Variants in TAS2R1 observed in about 807,000 individuals in gnomAD.
TAS2R1 encodes the protein taste 2 receptor member 1.
For synonymous variants in TAS2R1, 141 were observed against 134.2 expected (o/e 1.05, Z -0.35); for missense variants, 370 against 353.4 (o/e 1.05, Z -0.38).
chr5:9,729,697 C>A, the TAS2R1 span, among the ~76,000 whole-genome samples: 2 of 152,154 alleles, frequency 1.3e-5, no homozygotes, highest in Non-Finnish European at 2.9e-5. Context: ...AAATAAGGCA[C>A]AAACATGCCT....
intron 2 of TAS2R1, among the ~76,000 whole-genome samples, chr5:9,645,204 G>T (rs1207881552): frequency 6.6e-6 from 1 of 152,108 alleles, no homozygotes; most frequent in African/African-American, 2.4e-5. Context: ...ACAATTGAAA[G>T]GCATAACATC....
chr5:9,898,760 G>A, the TAS2R1 span, among the ~76,000 whole-genome samples: 1 of 152,186 alleles, frequency 6.6e-6, no homozygotes, highest in East Asian at 1.9e-4. Context: ...AGGAGAACAT[G>A]TAGCAGCTGG....
At position 9,629,745 on chromosome 5, in the gene TAS2R1, G is replaced by A. The variant is rs1336322031; in HGVS notation, c.288C>T (p.Ala96=). The A allele has an allele frequency of 1.9e-6, 3 of 1,613,920 alleles. No homozygotes were observed. The highest frequency in any genetic ancestry group is 1.7e-5 in the Admixed American group (1 of 59,984). ...CACAATAGAAAACGCCGAGCCATGTGGCAAGCCAAAGTTCCAATTCATTTA... is the reference window on the plus strand; with the variant it reads ...CACAATAGAAAACGCCGAGCCATGTAGCAAGCCAAAGTTCCAATTCATTTA... ...LFINELELWL[A]TWLGVFYCAK... is the part of the protein sequence containing the mutation. The change falls in exon 1 of 1, where the codon GCC becomes GCT. Residue 96 remains alanine, a synonymous_variant. Coordinates refer to ENST00000382492, the MANE Select transcript of TAS2R1 (RefSeq NM_019599.3).
the TAS2R1 span, among the ~76,000 whole-genome samples, chr5:9,831,480 T>C: frequency 2.6e-5 from 4 of 152,170 alleles, no homozygotes; most frequent in African/African-American, 9.7e-5. Context: ...TGCAATATAA[T>C]GTAGACATTT....
chr5:9,852,457 G>T, the TAS2R1 span, among the ~76,000 whole-genome samples: 3 of 152,096 alleles, frequency 2.0e-5, no homozygotes, highest in African/African-American at 7.2e-5. Flanking sequence ...TGTACAAGTT[G>T]AGGAAGCTGC....
At chr5:9,664,751 C>T (rs770922676) in intron 1 of TAS2R1, among the ~76,000 whole-genome samples, 1 of 152,210 alleles carries the variant, frequency 6.6e-6, no homozygotes, top group Non-Finnish European at 1.5e-5. Flanking sequence ...GTGTCACATC[C>T]ACAATTAAAG....
At chr5:9,840,865 T>G in the TAS2R1 span, among the ~76,000 whole-genome samples, 1 of 5,212 alleles carries the variant, frequency 1.9e-4, no homozygotes, top group Non-Finnish European at 3.7e-4. Context: ...TTATTTTTTT[T>G]TTTTTTTTTT....
intron 1 of TAS2R1, among the ~76,000 whole-genome samples, chr5:9,675,730 A>G (rs564858097): frequency 6.6e-6 from 1 of 152,058 alleles, no homozygotes; most frequent in Admixed American, 6.6e-5. Context: ...TATTATTTCT[A>G]ACAGGTTTTT....
the TAS2R1 span, among the ~76,000 whole-genome samples, chr5:9,738,691 T>C: frequency 6.6e-6 from 1 of 152,180 alleles, no homozygotes; most frequent in Admixed American, 6.5e-5. Context: ...TACCACACTA[T>C]CTTTTGTTAT....
the TAS2R1 span, among the ~76,000 whole-genome samples, chr5:9,824,376 C>T: frequency 1.3e-5 from 2 of 152,234 alleles, no homozygotes; most frequent in Non-Finnish European, 2.9e-5. Context: ...GGAACAGCAG[C>T]CAGATGGTGT....
the TAS2R1 span, among the ~76,000 whole-genome samples, chr5:9,782,809 A>G: frequency 6.6e-6 from 1 of 152,206 alleles, no homozygotes; most frequent in Non-Finnish European, 1.5e-5. Flanking sequence ...TATAAAAAGC[A>G]TTCTTTGGGG....
Position 9,684,649 on chromosome 5 carries a change from G to A in TAS2R1, c.-241-25068C>T, listed in dbSNP as rs371949007. ...AGTGTTCCTCCTGTCTCAGCCTCCT[G>A]GGTAGCTGGGACTCAGCACGCCACC... On this transcript the variant is annotated intron_variant, in intron 1 of 2. Transcript: ENST00000506620. 3.9e-5 allele frequency among the ~76,000 whole-genome samples: 6 copies of A among 152,212 alleles called. No homozygotes were observed. The East Asian group carries it at 7.7e-4, about 20-fold the overall frequency.
At chr5:9,722,597 T>C in the TAS2R1 span, among the ~76,000 whole-genome samples, 4 of 152,222 alleles carry the variant, frequency 2.6e-5, no homozygotes, top group African/African-American at 4.8e-5. Context: ...AGTCTCAACT[T>C]GCAAAGCAAA....
At chr5:9,774,363 C>G in the TAS2R1 span, among the ~76,000 whole-genome samples, 1 of 152,216 alleles carries the variant, frequency 6.6e-6, no homozygotes, top group Non-Finnish European at 1.5e-5. Flanking sequence ...TTCCTCAAAA[C>G]AGCTATTTTG....
the TAS2R1 span, among the ~76,000 whole-genome samples, chr5:9,763,848 T>C: frequency 3.3e-5 from 5 of 152,198 alleles, no homozygotes; most frequent in Non-Finnish European, 4.4e-5. Context: ...TTCAAATGAA[T>C]TGCTGTGTGC....
the TAS2R1 span, among the ~76,000 whole-genome samples, chr5:9,743,046 T>C: frequency 6.6e-6 from 1 of 151,058 alleles, no homozygotes; most frequent in East Asian, 2.0e-4. Flanking sequence ...AATTTGCTGA[T>C]TCATGGAAAG....
chr5:9,686,169 T>C (rs1027996889), intron 1 of TAS2R1, among the ~76,000 whole-genome samples: 3 of 152,200 alleles, frequency 2.0e-5, no homozygotes, highest in Admixed American at 6.5e-5. Flanking sequence ...CTGACCTTGA[T>C]TGCATCTTTT....
chr5:9,697,913 T>G (rs1288635504), intron 1 of TAS2R1, among the ~76,000 whole-genome samples: 1 of 151,774 alleles, frequency 6.6e-6, no homozygotes, highest in Non-Finnish European at 1.5e-5. Context: ...ACTAAGAAGG[T>G]TAAGATCAAA....
chr5:9,887,009 A>C, the TAS2R1 span, among the ~76,000 whole-genome samples: 5 of 152,180 alleles, frequency 3.3e-5, no homozygotes, highest in Non-Finnish European at 7.3e-5. Flanking sequence ...GGTACAACAT[A>C]TACCCATTTC....
Sources: allele counts gnomAD v4.1 joint callset (sites outside exome capture counted in the v4.1 genomes callset), GRCh38; gene constraint gnomAD v4.1.1; transcripts MANE v1.5; gene names NCBI Gene and HGNC (gene_info 2026-07-23, HGNC 2026-07-21).